Variants in TAFA2 observed in about 807,000 individuals in gnomAD.
TAFA2 encodes the protein chemokine-like protein TAFA-2.
Under a neutral mutation model 18.8 loss-of-function variants are expected in TAFA2, and 7 were observed. The observed-to-expected ratio is 0.37, with a 90% CI of 0.21 to 0.70. The LOEUF (loss-of-function observed/expected upper bound fraction) is 0.70. Ranked by LOEUF, TAFA2 falls within the 30% of genes least tolerant of loss-of-function variation. The pLI is 0.53. For synonymous variants in TAFA2, 60 were observed against 54.2 expected, an observed-to-expected ratio of 1.11 and a Z score of -0.47; for missense variants, 122 against 158.1, an observed-to-expected ratio of 0.77 and a Z score of 1.23.
At chr12:61,753,474 A>C (rs1592366431) in intron 4 of TAFA2, 148 bp downstream of exon 4, 11 of 648,848 alleles carry the variant, frequency 1.7e-5, no homozygotes, top group Non-Finnish European at 2.5e-5. Flanking sequence ...TTTATGAAAA[A>C]AGCGAACTAA....
At chr12:62,182,972 C>G (rs1380059720) in intron 1 of TAFA2, among the ~76,000 whole-genome samples, 1 of 152,198 alleles carries the variant, frequency 6.6e-6, no homozygotes, top group Non-Finnish European at 1.5e-5. Context: ...TGGTAAATAT[C>G]ATGAGGGCAG....
intron 1 of TAFA2, among the ~76,000 whole-genome samples, chr12:62,144,493 G>A (rs561014701): frequency 6.6e-6 from 1 of 152,008 alleles, no homozygotes; most frequent in African/African-American, 2.4e-5. Context: ...TTGTATATTT[G>A]TGGAAAAAAA....
chr12:61,799,809 A>G (rs769759086), intron 2 of TAFA2, among the ~76,000 whole-genome samples: 4 of 152,090 alleles, frequency 2.6e-5, no homozygotes, highest in African/African-American at 7.2e-5. Context: ...GCGACAGAGC[A>G]AGACTCCGTC....
At chr12:62,244,442 T>C (rs2062875888) in intron 1 of TAFA2, among the ~76,000 whole-genome samples, 1 of 152,172 alleles carries the variant, frequency 6.6e-6, no homozygotes. Context: ...GACAATTTAT[T>C]GACCAAATAT....
At chr12:61,722,794 T>C (rs982774432) in intron 4 of TAFA2, among the ~76,000 whole-genome samples, 1 of 152,148 alleles carries the variant, frequency 6.6e-6, no homozygotes, top group Non-Finnish European at 1.5e-5. Flanking sequence ...TTGGTCCCAC[T>C]ACTACACTCT....
At chr12:62,179,079 G>C (rs75205581) in intron 1 of TAFA2, among the ~76,000 whole-genome samples, 8,236 of 152,086 alleles carry the variant, frequency 0.054, 273 homozygotes, top group African/African-American at 0.084. Flanking sequence ...AAACAATATA[G>C]CACTATTTAA....
At chr12:61,871,363 A>T (rs1480682361) in intron 1 of TAFA2, among the ~76,000 whole-genome samples, 1 of 152,156 alleles carries the variant, frequency 6.6e-6, no homozygotes, top group Admixed American at 6.5e-5. Context: ...TTCTTTCTCT[A>T]TTTGCTAACC....
chr12:62,230,302 G>A (rs1487019746), intron 1 of TAFA2, among the ~76,000 whole-genome samples: 1 of 151,398 alleles, frequency 6.6e-6, no homozygotes, highest in African/African-American at 2.4e-5. Context: ...GCATCATTAG[G>A]TTGGTTATCT....
At chr12:62,076,670 C>G (rs888748730) in intron 1 of TAFA2, among the ~76,000 whole-genome samples, 1 of 152,142 alleles carries the variant, frequency 6.6e-6, no homozygotes, top group Non-Finnish European at 1.5e-5. Context: ...CTTCTCCTAC[C>G]CCCAAACAGA....
intron 1 of TAFA2, among the ~76,000 whole-genome samples, chr12:62,100,414 G>A (rs959586847): frequency 2.6e-5 from 4 of 152,060 alleles, no homozygotes; most frequent in Non-Finnish European, 4.4e-5. Context: ...ATAGAAAATT[G>A]CTTCCAAATA....
At position 61,879,349 on chromosome 12, in the gene TAFA2, A is replaced by G; in HGVS notation, c.-1-11923T>C. On this transcript the variant is annotated intron_variant, in intron 1 of 4. Transcript: ENST00000416284. Reference sequence around the variant, plus strand: ...ATCAAGGTGATCCAGAAGTCCTACAAGGTATCCACCTCTGGCCCCCGGGCC... The same window carrying G: ...ATCAAGGTGATCCAGAAGTCCTACAGGGTATCCACCTCTGGCCCCCGGGCC... 4.3e-6 allele frequency: 3 copies of G among 693,000 alleles called. 1 individual carries two copies. Among genetic ancestry groups the G allele is most frequent in the Non-Finnish European group, 7.3e-6 (3 of 413,010 alleles). The allele number at this position is 693,000 out of a possible 1,614,324, so 42.9% of individuals were successfully genotyped here.
In TAFA2 at chr12:62,191,476, T is replaced by G. The variant is rs1287095783; in HGVS notation, c.-219A>C. The G allele has an allele frequency of 6.6e-6, 1 of 152,566 alleles. No homozygotes were observed. The highest frequency in any genetic ancestry group is 2.4e-5 in the African/African-American group (1 of 41,470). 9.5% of individuals were successfully genotyped at this position (152,566 alleles called of 1,614,324 possible). A position where few individuals can be genotyped will look rare whatever the true frequency, so the allele number is the denominator to read the frequency against. ...GAGTGTGCGCGCGCGTGTGTGGATG[T>G]GTTTCCTCCTCCGATGGCAAAGACG... On this transcript the variant is annotated 5_prime_UTR_variant, in exon 1 of 5. Coordinates refer to ENST00000416284, the MANE Select transcript of TAFA2 (RefSeq NM_178539.5).
chr12:61,890,622 G>A (rs577702010), intron 1 of TAFA2, among the ~76,000 whole-genome samples: 2 of 152,264 alleles, frequency 1.3e-5, no homozygotes, highest in African/African-American at 2.4e-5. Flanking sequence ...TAGCTACAGG[G>A]GGTTTAGCAC....
chr12:61,978,251 TA>T (rs1879506639), intron 1 of TAFA2, among the ~76,000 whole-genome samples: 3 of 152,096 alleles, frequency 2.0e-5, no homozygotes, highest in Admixed American at 1.3e-4. Flanking sequence ...ATTCTTACTT[TA>T]AATGCAGAAT....
chr12:61,932,113 C>A lies in TAFA2; in HGVS notation c.-1-64687G>T, dbSNP rs144613038. ...CAAATTACTAAAATAATGTATATTA[C>A]TAGTATTCATAAATGAAAAGCAGCC... On this transcript the variant is annotated intron_variant, in intron 1 of 4. Transcript: ENST00000416284. Among the ~76,000 whole-genome samples the A allele has an allele frequency of 3.9e-5, 6 of 152,078 alleles. 1 individual carries two copies. The highest frequency in any genetic ancestry group is 1.4e-4 in the African/African-American group (6 of 41,458).
At chr12:61,934,163 C>T (rs1250131872) in intron 1 of TAFA2, among the ~76,000 whole-genome samples, 2 of 152,162 alleles carry the variant, frequency 1.3e-5, no homozygotes, top group African/African-American at 4.8e-5. Flanking sequence ...TCCATACAAA[C>T]TCACTATCCT....
rs115043283 is a variant in TAFA2 at position 61,849,513 on chromosome 12, G to T, written c.106+17807C>A. 8.7e-3 allele frequency among the ~76,000 whole-genome samples: 1,329 copies of T among 152,178 alleles called. 27 individuals carry two copies. Among genetic ancestry groups the T allele is most frequent in the African/African-American group, 0.03 (1,263 of 41,520 alleles). On this transcript the variant is annotated intron_variant, in intron 2 of 4. Transcript: ENST00000416284. ...TATTTTCATAATATCCAAATATCAT[G>T]GCTAGACTTAAATCACTAAGTACAT...
chr12:62,071,967 TA>T (rs1361998143), intron 1 of TAFA2, among the ~76,000 whole-genome samples: 1 of 152,218 alleles, frequency 6.6e-6, no homozygotes, highest in Non-Finnish European at 1.5e-5. Flanking sequence ...CTAATATTTA[TA>T]AAAAATTAAT....
chr12:61,792,792 A>G lies in TAFA2; in HGVS notation c.107-37768T>C, dbSNP rs192255651. On this transcript the variant is annotated intron_variant, in intron 2 of 4. Coordinates refer to ENST00000416284, the MANE Select transcript of TAFA2 (RefSeq NM_178539.5). ...GAACTTTAAGAGAAAAAAAATAACTAGAAGGAAAGATAAAATCACTATTAT... is the reference window on the plus strand; with the variant it reads ...GAACTTTAAGAGAAAAAAAATAACTGGAAGGAAAGATAAAATCACTATTAT... Among the ~76,000 whole-genome samples, 101 of 151,688 alleles carry G rather than the reference A, an allele frequency of 6.7e-4. 1 individual carries two copies. In the Middle Eastern group the frequency reaches 0.031, roughly 46 times the overall value.
Sources: gnomAD v4.1 joint callset for allele counts (sites outside exome capture counted in the v4.1 genomes callset) on GRCh38, gnomAD v4.1.1 for gene constraint, MANE v1.5 for transcripts, NCBI Gene and HGNC (gene_info 2026-07-23, HGNC 2026-07-21) for gene names.